Variants in CSMD1 observed in about 807,000 individuals in gnomAD.
CSMD1 encodes the protein CUB and sushi domain-containing protein 1.
CSMD1 carries 213 observed loss-of-function variants against 417.5 expected under a neutral mutation model. That is an observed-to-expected ratio of 0.51 (90% CI 0.46 to 0.57). The LOEUF is 0.57. CSMD1 is among the 20% of genes least tolerant of loss of function. The pLI, the probability that CSMD1 is intolerant of heterozygous loss-of-function variation, is 0.00. For synonymous variants in CSMD1, 2,862 were observed against 1,736.8 expected, an observed-to-expected ratio of 1.65 and a Z score of -16.11; for missense variants, 6,923 against 4,529.7, an observed-to-expected ratio of 1.53 and a Z score of -15.17.
chr8:3,096,389 G>T (rs908751036), intron 47 of CSMD1, among the ~76,000 whole-genome samples: 2 of 152,112 alleles, frequency 1.3e-5, no homozygotes, highest in Non-Finnish European at 2.9e-5. Context: ...CTGATAGTAA[G>T]TCCCACAAGA....
chr8:3,160,455 C>T (rs149122892), intron 38 of CSMD1, among the ~76,000 whole-genome samples: 91 of 152,242 alleles, frequency 6.0e-4, no homozygotes, highest in African/African-American at 2.1e-3. Flanking sequence ...TCAGGTGGAT[C>T]AGGAACGTTG....
chr8:4,448,863 CCAATT>C (rs1256023019), intron 2 of CSMD1, among the ~76,000 whole-genome samples: 1 of 152,106 alleles, frequency 6.6e-6, no homozygotes, highest in African/African-American at 2.4e-5. Context: ...TGATGTGTAT[CCAATT>C]CTCTTATTCA....
chr8:3,564,659 G>C (rs895191387), intron 10 of CSMD1, among the ~76,000 whole-genome samples: 1 of 151,748 alleles, frequency 6.6e-6, no homozygotes, highest in Admixed American at 6.6e-5. Flanking sequence ...TGAAAGTTAA[G>C]AACTGAGGTG....
At chr8:4,790,636 A>G (rs930420959) in intron 1 of CSMD1, among the ~76,000 whole-genome samples, 1 of 152,166 alleles carries the variant, frequency 6.6e-6, no homozygotes, top group African/African-American at 2.4e-5. Flanking sequence ...AAGCAGACAC[A>G]TAGACCAATG....
intron 12 of CSMD1, among the ~76,000 whole-genome samples, chr8:3,415,237 C>G (rs1322293878): frequency 2.0e-5 from 3 of 151,952 alleles, no homozygotes; most frequent in Non-Finnish European, 2.9e-5. Context: ...TACTAATTAC[C>G]TTACATACTT....
chr8:4,917,413 C>T (rs1369521640), intron 1 of CSMD1, among the ~76,000 whole-genome samples: 11 of 152,096 alleles, frequency 7.2e-5, no homozygotes, highest in East Asian at 1.9e-4. Context: ...GGTGGGCAGA[C>T]TACAAGGTCA....
intron 5 of CSMD1, among the ~76,000 whole-genome samples, chr8:3,837,232 A>C (rs982759721): frequency 1.3e-5 from 2 of 152,214 alleles, no homozygotes; most frequent in Admixed American, 1.3e-4. Flanking sequence ...ATAGATGTGC[A>C]TAGCTAAAGC....
intron 10 of CSMD1, among the ~76,000 whole-genome samples, chr8:3,516,132 T>C (rs80044785): frequency 0.022 from 3,417 of 152,276 alleles, 91 homozygotes; most frequent in South Asian, 0.076. Context: ...AGGAACAGAA[T>C]GTAAATCTAT....
At chr8:4,111,939 G>A (rs1008515075) in intron 3 of CSMD1, among the ~76,000 whole-genome samples, 1 of 151,844 alleles carries the variant, frequency 6.6e-6, no homozygotes, top group African/African-American at 2.4e-5. Context: ...ATAAAGTATG[G>A]CAAAAGCACA....
chr8:4,670,926 T>C (rs894355852), intron 1 of CSMD1, among the ~76,000 whole-genome samples: 12 of 151,580 alleles, frequency 7.9e-5, no homozygotes, highest in African/African-American at 2.7e-4. Flanking sequence ...GCTTTATTAA[T>C]TGAGCAGTCA....
Position 4,007,950 on chromosome 8 carries a change from G to A in CSMD1, c.611-9840C>T, listed in dbSNP as rs981500348. ...CTGCCTCAAGAACTCTTAATAGAGC[G>A]AAATTTCAGATAAAAATTAATTACC... On this transcript the variant is annotated intron_variant, in intron 4 of 69. Coordinates refer to ENST00000635120, the MANE Select transcript of CSMD1 (RefSeq NM_033225.6). 2.2e-4 allele frequency among the ~76,000 whole-genome samples: 34 copies of A among 152,114 alleles called. 1 individual carries two copies. Among genetic ancestry groups the A allele is most frequent in the Admixed American group, 1.4e-3 (21 of 15,272 alleles).
chr8:4,977,068 T>G, intron 1 of CSMD1, among the ~76,000 whole-genome samples: 1 of 152,204 alleles, frequency 6.6e-6, no homozygotes, highest in East Asian at 1.9e-4. Context: ...GCTTTTAGTA[T>G]CAACAGTTAT....
intron 5 of CSMD1, among the ~76,000 whole-genome samples, chr8:3,985,555 C>G (rs1255303572): frequency 6.6e-6 from 1 of 152,074 alleles, no homozygotes; most frequent in Non-Finnish European, 1.5e-5. Flanking sequence ...ATGGATTGCT[C>G]TACTATGGAA....
At chr8:3,111,111 A>G (rs986148065) in intron 42 of CSMD1, among the ~76,000 whole-genome samples, 1 of 152,242 alleles carries the variant, frequency 6.6e-6, no homozygotes, top group African/African-American at 2.4e-5. Flanking sequence ...AAGAGGTGTG[A>G]GATGAGTGTT....
chr8:4,552,095 G>C (rs147649112), intron 2 of CSMD1, among the ~76,000 whole-genome samples: 1 of 152,262 alleles, frequency 6.6e-6, no homozygotes, highest in African/African-American at 2.4e-5. Flanking sequence ...ACTGACATAT[G>C]CTAGCACTGA....
chr8:2,974,909 C>G (rs1804793020), intron 55 of CSMD1, among the ~76,000 whole-genome samples: 3 of 152,166 alleles, frequency 2.0e-5, no homozygotes, highest in Admixed American at 2.0e-4. Context: ...GACAGCCATA[C>G]TGCCTACATT....
intron 26 of CSMD1, among the ~76,000 whole-genome samples, chr8:3,261,860 G>A (rs1801085927): frequency 6.6e-6 from 1 of 152,062 alleles, no homozygotes; most frequent in Admixed American, 6.6e-5. Context: ...TGCGGGCCGA[G>A]GTCAATGGGT....
intron 2 of CSMD1, among the ~76,000 whole-genome samples, chr8:4,455,357 A>G (rs568632227): frequency 3.9e-5 from 6 of 152,314 alleles, no homozygotes; most frequent in Middle Eastern, 3.4e-3. Context: ...AGTGACACCC[A>G]GAAGCTGGAA....
chr8:4,338,908 G>A (rs1351540103), intron 3 of CSMD1, among the ~76,000 whole-genome samples: 2 of 152,066 alleles, frequency 1.3e-5, no homozygotes, highest in East Asian at 1.9e-4. Context: ...GACAACAGAG[G>A]CATGATAAAT....
Sources: allele counts gnomAD v4.1 joint callset (sites outside exome capture counted in the v4.1 genomes callset), GRCh38; gene constraint gnomAD v4.1.1; transcripts MANE v1.5; gene names NCBI Gene and HGNC (gene_info 2026-07-23, HGNC 2026-07-21).